YAF2: variants seen among roughly 807,000 people sequenced by gnomAD.
The protein encoded by YAF2 is YY1 associated factor 2.
Under a neutral mutation model 20.1 loss-of-function variants are expected in YAF2, and 7 were observed. The observed-to-expected ratio is 0.35, with a 90% confidence interval of 0.20 to 0.65. YAF2 has a LOEUF of 0.65. YAF2 is among the 30% of genes least tolerant of loss of function. The pLI is 0.69. For synonymous variants in YAF2, 74 were observed against 76.0 expected, an observed-to-expected ratio of 0.97 and a Z score of 0.14; for missense variants, 151 against 219.2, an observed-to-expected ratio of 0.69 and a Z score of 1.96.
At chr12:42,220,800 G>A (rs926716900) in intron 2 of YAF2, among the ~76,000 whole-genome samples, 1 of 152,116 alleles carries the variant, frequency 6.6e-6, no homozygotes, top group South Asian at 2.1e-4. Context: ...TTGTCAGGGG[G>A]CTATACAAAC....
At chr12:42,210,850 T>G in intron 2 of YAF2, 1 of 509,888 alleles carries the variant, frequency 2.0e-6, no homozygotes, top group Non-Finnish European at 3.3e-6. Context: ...ATCAGAAACA[T>G]AAGGAAATCA....
intron 2 of YAF2, among the ~76,000 whole-genome samples, chr12:42,178,019 CT>C (rs1258793894): frequency 6.6e-6 from 1 of 152,156 alleles, no homozygotes; most frequent in South Asian, 2.1e-4. Context: ...TACCACCCCC[CT>C]AATTGTAAAC....
At chr12:42,228,146 TG>T (rs371555379) in intron 2 of YAF2, among the ~76,000 whole-genome samples, 1,769 of 14,422 alleles carry the variant, frequency 0.12, 50 homozygotes, top group African/African-American at 0.2. Context: ...GGGAGGGAGG[TG>T]GGGGGGGTCG....
intron 2 of YAF2, among the ~76,000 whole-genome samples, chr12:42,227,163 G>A (rs2067741298): frequency 6.9e-6 from 1 of 145,838 alleles, no homozygotes; most frequent in African/African-American, 2.5e-5. Flanking sequence ...GGCAGCGGCT[G>A]GAGGAGCGGA....
At chr12:42,236,057 T>TA (rs1370102205) in intron 2 of YAF2, 1 of 1,522,188 alleles carries the variant, frequency 6.6e-7, no homozygotes, top group Non-Finnish European at 8.8e-7. Context: ...TACAAGAAAA[T>TA]AGAGAGGGAA....
rs1156893857 is a variant in YAF2 at position 42,209,163 on chromosome 12, G to A, written c.152+28436C>T. ...GTATTTTCATTACAAACAAGGAAGCGGTAAATAGACTTGCAACATATCCTA... is the reference window on the plus strand; with the variant it reads ...GTATTTTCATTACAAACAAGGAAGCAGTAAATAGACTTGCAACATATCCTA... On this transcript the variant is annotated intron_variant, in intron 2 of 3. Transcript: ENST00000534854. Among the ~76,000 whole-genome samples, 6 of 151,822 alleles carry A rather than the reference G, an allele frequency of 4.0e-5. No individual in the cohort carries two copies. In the East Asian group the frequency reaches 5.8e-4, roughly 15 times the overall value.
intron 2 of YAF2, among the ~76,000 whole-genome samples, chr12:42,162,200 T>G (rs544611147): frequency 1.3e-5 from 2 of 152,304 alleles, no homozygotes; most frequent in South Asian, 2.1e-4. Context: ...TTAAAGCTTT[T>G]CATTTATTCA....
intron 2 of YAF2, among the ~76,000 whole-genome samples, chr12:42,196,200 C>T (rs1444574005): frequency 7.3e-6 from 1 of 137,002 alleles, no homozygotes; most frequent in Non-Finnish European, 1.5e-5. Flanking sequence ...GCACTCCAGC[C>T]TGGGCGACAG....
intron 2 of YAF2, among the ~76,000 whole-genome samples, chr12:42,223,102 A>G (rs2067571743): frequency 6.6e-6 from 1 of 152,162 alleles, no homozygotes; most frequent in Non-Finnish European, 1.5e-5. Context: ...CTGGTGAAGA[A>G]GGTAGAAATC....
intron 2 of YAF2, chr12:42,232,010 A>C (rs1055867458): frequency 7.9e-5 from 12 of 152,172 alleles, no homozygotes; most frequent in African/African-American, 2.9e-4. Flanking sequence ...TGCAAGACAA[A>C]CTACACATGT....
intron 2 of YAF2, among the ~76,000 whole-genome samples, chr12:42,182,017 T>G (rs900746079): frequency 1.3e-5 from 2 of 152,176 alleles, no homozygotes; most frequent in African/African-American, 2.4e-5. Flanking sequence ...ATCAAAGTTT[T>G]TGAATAATTT....
At chr12:42,215,295 G>A (rs549881446) in intron 2 of YAF2, among the ~76,000 whole-genome samples, 5 of 152,024 alleles carry the variant, frequency 3.3e-5, no homozygotes, top group Non-Finnish European at 7.4e-5. Flanking sequence ...TGTAGGCTGG[G>A]TGCAATGGCT....
chr12:42,190,882 G>T (rs898050030), intron 2 of YAF2, among the ~76,000 whole-genome samples: 1 of 151,260 alleles, frequency 6.6e-6, no homozygotes, highest in Non-Finnish European at 1.5e-5. Flanking sequence ...TAGAGTATGT[G>T]GTTAATAATA....
chr12:42,227,064 G>A (rs867255451), intron 2 of YAF2, among the ~76,000 whole-genome samples: 6,315 of 145,342 alleles, frequency 0.043, 216 homozygotes, highest in East Asian at 0.14. Flanking sequence ...GACCGCAGCC[G>A]CCGCCGCCCG....
At chr12:42,167,360 G>A (rs537422987) in intron 2 of YAF2, among the ~76,000 whole-genome samples, 233 of 152,022 alleles carry the variant, frequency 1.5e-3, no homozygotes, top group Middle Eastern at 3.4e-3. Context: ...TCAAGATATA[G>A]GAAAAAATCA....
intron 2 of YAF2, among the ~76,000 whole-genome samples, chr12:42,169,640 T>C (rs1052515627): frequency 2.0e-5 from 3 of 152,158 alleles, no homozygotes; most frequent in Non-Finnish European, 4.4e-5. Flanking sequence ...CTCAAACTCC[T>C]GGACTCAAGA....
Position 42,188,382 on chromosome 12 carries a change from G to A in YAF2, c.153-26617C>T, listed in dbSNP as rs797018589. 5.1e-4 allele frequency among the ~76,000 whole-genome samples: 70 copies of A among 136,274 alleles called. 1 individual carries two copies. Among genetic ancestry groups the A allele is most frequent in the African/African-American group, 1.9e-3 (69 of 35,972 alleles). The allele number at this position is 136,274 out of a possible 152,430, so 89.4% of individuals were successfully genotyped here. A position where few individuals can be genotyped will look rare whatever the true frequency, so the allele number is the denominator to read the frequency against. ...CTGAACTTTGAAATATATATATTTT[G>A]CTTTTTTTTTTTTTTTTTTTAGAGA... On this transcript the variant is annotated intron_variant, in intron 2 of 3. Coordinates refer to ENST00000534854, the MANE Select transcript of YAF2 (RefSeq NM_005748.6).
intron 2 of YAF2, among the ~76,000 whole-genome samples, chr12:42,197,422 CAACTCCAAGCCAGG>C (rs1176167094): frequency 1.6e-4 from 24 of 152,342 alleles, no homozygotes; most frequent in Non-Finnish European, 5.9e-5. Flanking sequence ...TGCTTCACTT[CAACTCCAAGCCAGG>C]AACTTTATTG....
At chr12:42,235,799 A>T (rs73114498) in intron 2 of YAF2, 44,563 of 1,534,984 alleles carry the variant, frequency 0.029, 827 homozygotes, top group Middle Eastern at 0.052. Context: ...GTGGGCCTCA[A>T]GCCTCTTTTA....
Sources: gnomAD v4.1 joint callset for allele counts (sites outside exome capture counted in the v4.1 genomes callset) on GRCh38, gnomAD v4.1.1 for gene constraint, MANE v1.5 for transcripts, NCBI Gene and HGNC (gene_info 2026-07-23, HGNC 2026-07-21) for gene names.